Variants in MAP1LC3A observed in about 807,000 individuals in gnomAD.
MAP1LC3A encodes microtubule associated protein 1 light chain 3 alpha.
Under a neutral mutation model 15.2 loss-of-function variants are expected in MAP1LC3A, and 10 were observed. The ratio of observed to expected loss-of-function variants is 0.66; its 90% confidence interval spans 0.41 to 1.12. The LOEUF (loss-of-function observed/expected upper bound fraction) is 1.12. Among genes scored for constraint, MAP1LC3A ranks in the 50% most tolerant of loss-of-function variants. MAP1LC3A has a pLI of 0.00. For missense variants in MAP1LC3A, 138 were observed against 167.3 expected, an observed-to-expected ratio of 0.82 and a Z score of 0.97; for synonymous variants, 63 against 64.3, an observed-to-expected ratio of 0.98 and a Z score of 0.10.
chr20:34,555,028 T>G (rs920068750), upstream of MAP1LC3A, among the ~76,000 whole-genome samples: 1 of 151,820 alleles, frequency 6.6e-6, no homozygotes, highest in Non-Finnish European at 1.5e-5. Context: ...TGTTGTTGTT[T>G]TTTGTTTGTT....
At chr20:34,557,547 CAT>C (rs997043026), upstream of MAP1LC3A, among the ~76,000 whole-genome samples, 10 of 152,224 alleles carry the variant, frequency 6.6e-5, no homozygotes, top group Non-Finnish European at 1.5e-4. Flanking sequence ...TTTAGATTCA[CAT>C]GTTTACCAAT....
At chr20:34,554,668 G>A (rs774208716), upstream of MAP1LC3A, among the ~76,000 whole-genome samples, 18 of 147,534 alleles carry the variant, frequency 1.2e-4, no homozygotes, top group African/African-American at 4.3e-4. Flanking sequence ...CACCGCGCCC[G>A]GCCTGTTTTT....
exon 2 of MAP1LC3A, chr20:34,549,911 A>G: frequency 2.1e-6 from 3 of 1,444,814 alleles, no homozygotes; most frequent in African/African-American, 1.4e-5. Flanking sequence ...CCAGGACTCC[A>G]TGGCTTCCGA....
In MAP1LC3A at chr20:34,559,883, A is replaced by G; in HGVS notation, c.351A>G (p.Glu117=). The G allele has an allele frequency of 6.2e-7, 1 of 1,611,108 alleles. No homozygotes were observed. The highest frequency in any genetic ancestry group is 8.5e-7 in the Non-Finnish European group (1 of 1,179,034). The change falls in exon 4 of 4, where the codon GAA becomes GAG. Residue 117 remains glutamate, a synonymous_variant. Transcript: ENST00000360668. Reference sequence around the variant, plus strand: ...TCTATATGGTCTACGCCTCCCAGGAAACCTTCGGCTTCTGAGCCAGCAGTA... The same window carrying G: ...TCTATATGGTCTACGCCTCCCAGGAGACCTTCGGCTTCTGAGCCAGCAGTA... The part of the protein sequence containing the change: ...GFLYMVYASQ[E]TFGF
intron 1 of MAP1LC3A, among the ~76,000 whole-genome samples, chr20:34,548,368 C>T (rs1981817810): frequency 6.6e-6 from 1 of 152,200 alleles, no homozygotes; most frequent in African/African-American, 2.4e-5. Flanking sequence ...GGGAGCCAAC[C>T]TCCCCAGGTG....
upstream of MAP1LC3A, among the ~76,000 whole-genome samples, chr20:34,557,669 G>A (rs1982209064): frequency 6.6e-6 from 1 of 152,158 alleles, no homozygotes; most frequent in African/African-American, 2.4e-5. Flanking sequence ...GCTCACACCT[G>A]TAATCCCAGC....
At chr20:34,559,601 G>A in intron 3 of MAP1LC3A, 135 bp from the exon 4 acceptor site, 1 of 1,241,996 alleles carries the variant, frequency 8.1e-7, no homozygotes, top group Non-Finnish European at 1.1e-6. Flanking sequence ...GGTCGGGGCT[G>A]CAGTCGGTGT....
chr20:34,554,405 C>T (rs1226485797), upstream of MAP1LC3A, among the ~76,000 whole-genome samples: 4 of 134,678 alleles, frequency 3.0e-5, no homozygotes, highest in Non-Finnish European at 3.1e-5. Context: ...GACAAACTCT[C>T]GCTCTGTCAC....
chr20:34,547,123 C>A (rs1981762116), intron 1 of MAP1LC3A, among the ~76,000 whole-genome samples: 1 of 152,142 alleles, frequency 6.6e-6, no homozygotes, highest in African/African-American at 2.4e-5. Flanking sequence ...AGGGAAGGTG[C>A]CTCGCAGGAG....
chr20:34,549,942 C>T (rs1469659785), exon 2 of MAP1LC3A: 2 of 1,607,004 alleles, frequency 1.2e-6, no homozygotes, highest in Non-Finnish European at 1.7e-6. Context: ...GACCCTCCAC[C>T]TCAGAGGTAG....
intron 1 of MAP1LC3A, 124 bp from the exon 2 acceptor site, chr20:34,559,084 G>T: frequency 7.5e-7 from 1 of 1,341,002 alleles, no homozygotes; most frequent in Non-Finnish European, 9.6e-7. Flanking sequence ...CAGGGGCTGT[G>T]GGGCCTGATG....
chr20:34,553,633 G>A (rs1439514845), intron 2 of MAP1LC3A, among the ~76,000 whole-genome samples: 10 of 152,172 alleles, frequency 6.6e-5, no homozygotes, highest in Non-Finnish European at 1.5e-5. Context: ...ATCAAAAGTC[G>A]GCAAACTAAG....
chr20:34,550,270 C>T (rs1981899722), intron 2 of MAP1LC3A, among the ~76,000 whole-genome samples: 1 of 152,176 alleles, frequency 6.6e-6, no homozygotes, highest in Non-Finnish European at 1.5e-5. Context: ...ACCCCCTGAG[C>T]AGAAACGACT....
intron 2 of MAP1LC3A, 32 bp downstream of exon 2, chr20:34,559,295 C>A: frequency 1.3e-6 from 2 of 1,582,790 alleles, no homozygotes; most frequent in South Asian, 1.1e-5. Context: ...CTGCCCCGCC[C>A]CCGCCTCGCG....
At chr20:34,547,412 C>T (rs946751926) in intron 1 of MAP1LC3A, among the ~76,000 whole-genome samples, 3 of 149,824 alleles carry the variant, frequency 2.0e-5, no homozygotes, top group Non-Finnish European at 3.0e-5. Flanking sequence ...CCAACCGCTC[C>T]CCACCTTTTT....
chr20:34,558,472 G>C, upstream of MAP1LC3A: 1 of 1,011,770 alleles, frequency 9.9e-7, no homozygotes, highest in Non-Finnish European at 1.2e-6. The surrounding 1 kb of genome is among the most constrained non-coding windows in gnomAD (Gnocchi z 4.3). Flanking sequence ...CCGCTCCATC[G>C]GCCTAGGGCG....
At position 34,559,998 on chromosome 20, in the gene MAP1LC3A, G is replaced by A. The variant is rs1982383285; in HGVS notation, c.*100G>A. On this transcript the variant is annotated 3_prime_UTR_variant, in exon 4 of 4. Transcript: ENST00000360668. ...GAACTGAGCTGCCTCTACCGTGGTG[G>A]GCTGGGCAGGCATGTGCCCCCCTAG... is the stretch of plus-strand genomic sequence containing the variant. 7 of 1,320,484 alleles carry A rather than the reference G, an allele frequency of 5.3e-6. No homozygotes were observed. Among genetic ancestry groups the A allele is most frequent in the Non-Finnish European group, 6.2e-6 (6 of 971,046 alleles). The allele number at this position is 1,320,484 out of a possible 1,614,324, so 81.8% of individuals were successfully genotyped here. A position where few individuals can be genotyped will look rare whatever the true frequency, so the allele number is the denominator to read the frequency against.
At position 34,559,460 on chromosome 20, in the gene MAP1LC3A, G is replaced by A. The variant is rs1982337303; in HGVS notation, c.203+7G>A. On this transcript the variant is annotated splice_region_variant and intron_variant, in intron 3 of 3. Transcript: ENST00000360668. ...AGTTGGTCAAGATCATCCGGTGCGT[G>A]GGCAGCCGCCGCCAGGAGGTGGCTA... 4 of 1,609,838 alleles carry A rather than the reference G, an allele frequency of 2.5e-6. No individual in the cohort carries two copies. The highest frequency in any genetic ancestry group is 3.4e-6 in the Non-Finnish European group (4 of 1,178,116).
At chr20:34,547,593 C>T (rs1981786993) in intron 1 of MAP1LC3A, among the ~76,000 whole-genome samples, 1 of 151,822 alleles carries the variant, frequency 6.6e-6, no homozygotes, top group Non-Finnish European at 1.5e-5. Context: ...CCATGCTCTT[C>T]CCGTGATAGT....
Sources: gnomAD v4.1 joint callset for allele counts (sites outside exome capture counted in the v4.1 genomes callset) on GRCh38, gnomAD v4.1.1 for gene constraint, Gnocchi (gnomAD v3.1) non-coding constraint, MANE v1.5 for transcripts, NCBI Gene and HGNC (gene_info 2026-07-23, HGNC 2026-07-21) for gene names.